The following USP32 variants were observed in gnomAD, a reference collection of about 807,000 sequenced individuals.
USP32 encodes the protein ubiquitin carboxyl-terminal hydrolase 32.
Under a neutral mutation model 204.8 loss-of-function variants are expected in USP32, and 59 were observed. The observed-to-expected ratio is 0.29, with a 90% CI of 0.23 to 0.36. USP32 has a LOEUF of 0.36. USP32 is among the 10% of genes least tolerant of loss of function. The pLI is 1.00. For synonymous variants in USP32, 517 were observed against 678.4 expected, an observed-to-expected ratio of 0.76 and a Z score of 3.70; for missense variants, 1,160 against 1,946.4, an observed-to-expected ratio of 0.60 and a Z score of 7.60.
intron 2 of USP32, among the ~76,000 whole-genome samples, chr17:60,337,259 T>G (rs2088545246): frequency 6.6e-6 from 1 of 152,214 alleles, no homozygotes; most frequent in Admixed American, 6.5e-5. Flanking sequence ...AATATCCTAC[T>G]AATCAGCTGT....
chr17:60,300,027 C>T (rs753002246), intron 3 of USP32, among the ~76,000 whole-genome samples: 10 of 152,102 alleles, frequency 6.6e-5, no homozygotes, highest in Non-Finnish European at 1.3e-4. Context: ...AATACCATCA[C>T]CTTGGTGGTT....
chr17:60,311,481 T>C (rs1413893567), intron 2 of USP32, among the ~76,000 whole-genome samples: 2 of 152,284 alleles, frequency 1.3e-5, no homozygotes, highest in Middle Eastern at 3.4e-3. Context: ...AAAAGACTTA[T>C]AACATACCAA....
At chr17:60,313,858 TATAAC>T (rs1322446767) in intron 2 of USP32, among the ~76,000 whole-genome samples, 2 of 152,016 alleles carry the variant, frequency 1.3e-5, no homozygotes, top group Non-Finnish European at 2.9e-5. Flanking sequence ...TTCAGGTACT[TATAAC>T]ATAAGGTTTA....
At chr17:60,281,632 A>G (rs1160994469) in intron 5 of USP32, among the ~76,000 whole-genome samples, 1 of 152,196 alleles carries the variant, frequency 6.6e-6, no homozygotes, top group African/African-American at 2.4e-5. Flanking sequence ...AAACAGCCTT[A>G]TAAGGTAAAT....
chr17:60,310,003 C>A (rs144782086), intron 2 of USP32, among the ~76,000 whole-genome samples: 7 of 151,874 alleles, frequency 4.6e-5, no homozygotes, highest in African/African-American at 1.7e-4. Context: ...GAGATTGTGC[C>A]ACTGCACTCC....
intron 2 of USP32, among the ~76,000 whole-genome samples, chr17:60,332,934 C>T (rs2088425477): frequency 6.6e-6 from 1 of 152,004 alleles, no homozygotes; most frequent in South Asian, 2.1e-4. Flanking sequence ...AAAGAAAATC[C>T]TCATTGTGAA....
At chr17:60,310,131 A>G (rs61295151) in intron 2 of USP32, among the ~76,000 whole-genome samples, 10,208 of 152,208 alleles carry the variant, frequency 0.067, 1,209 homozygotes, top group African/African-American at 0.23. Context: ...CTTGTACACC[A>G]TTTGCAGGAA....
intron 4 of USP32, among the ~76,000 whole-genome samples, chr17:60,293,872 T>A (rs868692038): frequency 6.6e-6 from 1 of 152,016 alleles, no homozygotes. Flanking sequence ...GAGTGCTGCA[T>A]GAAAGAATCA....
intron 3 of USP32, among the ~76,000 whole-genome samples, chr17:60,297,625 G>A (rs917862442): frequency 4.0e-5 from 6 of 151,768 alleles, no homozygotes; most frequent in African/African-American, 1.5e-4. Context: ...ATTTTTAGTA[G>A]AGACGGGGTT....
At chr17:60,343,165 AC>A (rs2088700933) in intron 2 of USP32, among the ~76,000 whole-genome samples, 1 of 152,152 alleles carries the variant, frequency 6.6e-6, no homozygotes, top group Non-Finnish European at 1.5e-5. Context: ...GTCCTTAGAG[AC>A]CTACAAAGAG....
chr17:60,220,013 C>T (rs2085202895), intron 15 of USP32, among the ~76,000 whole-genome samples: 1 of 151,234 alleles, frequency 6.6e-6, no homozygotes, highest in South Asian at 2.1e-4. Flanking sequence ...TAGATATCTT[C>T]TCCCCTTTTA....
chr17:60,326,740 C>T (rs957102881), intron 2 of USP32, among the ~76,000 whole-genome samples: 13 of 152,112 alleles, frequency 8.5e-5, no homozygotes, highest in Admixed American at 8.5e-4. Flanking sequence ...AATTCATGCA[C>T]AGAGTATAAA....
chr17:60,291,660 T>A (rs539454192), intron 4 of USP32, among the ~76,000 whole-genome samples: 1 of 152,074 alleles, frequency 6.6e-6, no homozygotes, highest in Non-Finnish European at 1.5e-5. Context: ...ATGTTCTACA[T>A]GCAATCATCG....
At chr17:60,358,982 C>A (rs983868185) in intron 1 of USP32, among the ~76,000 whole-genome samples, 1 of 152,184 alleles carries the variant, frequency 6.6e-6, no homozygotes, top group Non-Finnish European at 1.5e-5. Flanking sequence ...GGTAGAGACA[C>A]ACGAGAGGTT....
At chr17:60,389,843 C>T (rs1409465890) in intron 1 of USP32, among the ~76,000 whole-genome samples, 2 of 151,834 alleles carry the variant, frequency 1.3e-5, no homozygotes, top group African/African-American at 4.8e-5. Context: ...GGTGAAACCC[C>T]GTCTCTACTA....
chr17:60,219,560 C>G (rs530788172), intron 16 of USP32, 110 bp downstream of exon 16: 20 of 1,161,132 alleles, frequency 1.7e-5, no homozygotes, highest in Non-Finnish European at 2.2e-5. Flanking sequence ...GTAGTTTTCA[C>G]CTTTTTTTTT....
rs779170208 is a variant in USP32 at position 60,301,685 on chromosome 17, C to A, written c.206G>T (p.Gly69Val). Residue 69 changes from glycine to valine, a missense_variant, in exon 3 of 34, where the codon GGT becomes GTT. By Grantham distance (109) the Gly-to-Val change is moderately radical. Around this residue, in one of 8 missense-constraint regions of USP32, gnomAD observed 536 missense variants for 680.9 expected, o/e 0.79. Transcript: ENST00000300896. ...KVAEVIYCSF[G>V]GTSKGLHFNN... ...GAAGTGCAGCCCTTTGGATGTTCCA[C>A]CAAAAGAACAGTAAATCACCTGGAA... 2.5e-6 allele frequency: 4 copies of A among 1,599,394 alleles called. No individual in the cohort carries two copies. Among genetic ancestry groups the A allele is most frequent in the Non-Finnish European group, 3.4e-6 (4 of 1,176,136 alleles).
chr17:60,225,965 AAAAAAG>A lies in USP32; in HGVS notation c.1432+68_1432+73del, dbSNP rs1567782431. 2.0e-5 allele frequency: 29 copies of A among 1,455,034 alleles called. No individual in the cohort carries two copies. The South Asian group carries it at 3.5e-4, about 17-fold the overall frequency. The allele number at this position is 1,455,034 out of a possible 1,614,324, so 90.1% of individuals were successfully genotyped here. A position where few individuals can be genotyped will look rare whatever the true frequency, so the allele number is the denominator to read the frequency against. ...GAAACTCAGTCTCAAAAAAAAAAAA[AAAAAAG>A]AAAAGAAAAGAAAGACCTATCCAGG... On this transcript the variant is annotated intron_variant, in intron 13 of 33. Transcript: ENST00000300896.
chr17:60,269,393 A>G, intron 7 of USP32, 57 bp downstream of exon 7: 1 of 1,316,062 alleles, frequency 7.6e-7, no homozygotes, highest in South Asian at 1.3e-5. Flanking sequence ...ACATTGATGA[A>G]AACTGATTTT....
Sources: allele counts gnomAD v4.1 joint callset (sites outside exome capture counted in the v4.1 genomes callset), GRCh38; gene constraint gnomAD v4.1.1; regional missense constraint gnomAD v4.1.1; transcripts MANE v1.5; gene names NCBI Gene and HGNC (gene_info 2026-07-23, HGNC 2026-07-21).